Variants in HEPH observed in about 807,000 individuals in gnomAD.
HEPH encodes hephaestin.
A neutral mutation model predicts 80.8 loss-of-function variants in HEPH; 69 were observed. The ratio of observed to expected loss-of-function variants is 0.85; its 90% confidence interval spans 0.70 to 1.04. The LOEUF is 1.04. Among genes scored for constraint, HEPH ranks in the 50% least tolerant of loss-of-function variants. The pLI is 0.00. For missense variants in HEPH, 1,115 were observed against 891.3 expected, an observed-to-expected ratio of 1.25 and a Z score of -3.20; for synonymous variants, 431 against 322.8, an observed-to-expected ratio of 1.34 and a Z score of -3.60.
At chrX:66,166,138 G>A (rs776174154) in intron 1 of HEPH, among the ~76,000 whole-genome samples, 1 of 111,767 alleles carries the variant, frequency 8.9e-6, no homozygotes, top group East Asian at 2.8e-4. Context: ...ACTATTTTCT[G>A]GTGCCTGAAC....
Position 66,253,922 on chromosome X carries a change from C to A in HEPH, c.2564-1113C>A, listed in dbSNP as rs954653477. Among the ~76,000 whole-genome samples the A allele has an allele frequency of 1.8e-5, 2 of 110,950 alleles. 1 individual carries two copies. The highest frequency in any genetic ancestry group is 6.6e-5 in the African/African-American group (2 of 30,529). On this transcript the variant is annotated intron_variant, in intron 15 of 20. Transcript: ENST00000343002. ...GAGACAGAAAGTGGAATATTGATTA[C>A]CTTGGGTGGGGTGGGGCAGGAATGG...
intron 15 of HEPH, among the ~76,000 whole-genome samples, chrX:66,212,532 G>A (rs1466077406): frequency 9.0e-6 from 1 of 111,616 alleles, no homozygotes; most frequent in African/African-American, 3.3e-5. Flanking sequence ...TCTTCTGCAT[G>A]TGGCTGTGCA....
At chrX:66,170,853 T>G in intron 2 of HEPH, 116 bp downstream of exon 2, 2 of 612,122 alleles carry the variant, frequency 3.3e-6, no homozygotes, top group Non-Finnish European at 5.2e-6. Flanking sequence ...TCCTGATTGC[T>G]CCGAGCTGTA....
intron 17 of HEPH, among the ~76,000 whole-genome samples, chrX:66,258,032 T>C (rs1008816715): frequency 8.9e-6 from 1 of 112,087 alleles, no homozygotes; most frequent in African/African-American, 3.2e-5. Context: ...TGTTATTAAT[T>C]CCATGAATGT....
chrX:66,219,646 C>A (rs1029777027), intron 15 of HEPH, among the ~76,000 whole-genome samples: 1 of 111,547 alleles, frequency 9.0e-6, no homozygotes, highest in East Asian at 2.8e-4. Flanking sequence ...TTGTATGATT[C>A]TCTCAGGGGG....
chrX:66,263,625 C>A lies in HEPH; in HGVS notation c.3200-19C>A. The A allele has an allele frequency of 8.3e-7, 1 of 1,208,505 alleles. No homozygotes were observed. ...AAGAACAATAAGGCTAACCTCTTGT[C>A]TTTTTTCCCCCCAACCAGAACACTT... On this transcript the variant is annotated intron_variant, in intron 19 of 20. Transcript: ENST00000343002.
chrX:66,231,606 G>A (rs1293957996), intron 15 of HEPH, among the ~76,000 whole-genome samples: 1 of 109,854 alleles, frequency 9.1e-6, no homozygotes, highest in South Asian at 3.9e-4. Flanking sequence ...AAGAATGTTT[G>A]TGATTTTTGT....
intron 15 of HEPH, among the ~76,000 whole-genome samples, chrX:66,209,081 C>T (rs936985240): frequency 8.9e-6 from 1 of 111,747 alleles, no homozygotes; most frequent in Non-Finnish European, 1.9e-5. Flanking sequence ...TAGAATCTAT[C>T]GATGCAGTAG....
chrX:66,232,572 G>A (rs987092842), intron 15 of HEPH, among the ~76,000 whole-genome samples: 2 of 110,891 alleles, frequency 1.8e-5, no homozygotes, highest in African/African-American at 6.5e-5. Context: ...TATAAGGTTG[G>A]TTAATATGTG....
intron 11 of HEPH, 58 bp downstream of exon 11, chrX:66,199,086 T>C (rs1330998583): frequency 9.1e-7 from 1 of 1,094,439 alleles, no homozygotes; most frequent in African/African-American, 1.8e-5. Context: ...AATCTAACTT[T>C]AACCGTAATC....
intron 12 of HEPH, among the ~76,000 whole-genome samples, chrX:66,202,277 A>T (rs763010417): frequency 4.5e-5 from 5 of 111,701 alleles, no homozygotes; most frequent in Non-Finnish European, 9.4e-5. Flanking sequence ...AGTTCCATGT[A>T]GTTGGAGTGC....
chrX:66,231,536 G>A (rs184719683), intron 15 of HEPH, among the ~76,000 whole-genome samples: 2,219 of 110,111 alleles, frequency 0.02, 39 homozygotes, highest in Non-Finnish European at 0.035. Flanking sequence ...TTTCTTTGAA[G>A]CAATTGTGAA....
chrX:66,163,802 C>T (rs2086257302), upstream of HEPH, among the ~76,000 whole-genome samples: 1 of 112,207 alleles, frequency 8.9e-6, no homozygotes, highest in African/African-American at 3.2e-5. Context: ...TTAGAGTATT[C>T]ATCTCACAGG....
In HEPH at chrX:66,201,051, G is replaced by A. The variant is rs184792152; in HGVS notation, c.2077+299G>A. On this transcript the variant is annotated intron_variant, in intron 12 of 20. Coordinates refer to ENST00000343002, the MANE Select transcript of HEPH (RefSeq NM_001367233.3). ...TGAAGTTCTTATATGGCAGGGAGTG[G>A]ACTTGACAACACAGAGATTTTATAG... Among the ~76,000 whole-genome samples, 624 of 110,950 alleles carry A rather than the reference G, an allele frequency of 5.6e-3. 3 individuals are homozygous for A. The highest frequency in any genetic ancestry group is 0.014 in the Middle Eastern group (3 of 214).
At chrX:66,213,992 A>G (rs1242343341) in intron 15 of HEPH, among the ~76,000 whole-genome samples, 6 of 112,311 alleles carry the variant, frequency 5.3e-5, no homozygotes, top group Admixed American at 4.7e-4. Flanking sequence ...GCAGGATTAC[A>G]GTTTCTTTTA....
downstream of HEPH, chrX:66,268,258 A>G (rs964970114): frequency 8.9e-6 from 1 of 112,169 alleles, no homozygotes; most frequent in Non-Finnish European, 1.9e-5. Context: ...CTGTCCAGCA[A>G]TCTGTCTGTC....
At chrX:66,215,486 A>G (rs190372048) in intron 15 of HEPH, among the ~76,000 whole-genome samples, 1 of 111,836 alleles carries the variant, frequency 8.9e-6, no homozygotes, top group East Asian at 2.8e-4. Flanking sequence ...TCTCTTTGCT[A>G]TGATTCCTTT....
At chrX:66,206,157 G>T (rs948885910) in intron 13 of HEPH, among the ~76,000 whole-genome samples, 3 of 109,804 alleles carry the variant, frequency 2.7e-5, no homozygotes, top group Non-Finnish European at 5.7e-5. Context: ...CCCTCTGGTT[G>T]CAGCAGTAGT....
intron 19 of HEPH, 76 bp downstream of exon 19, chrX:66,260,338 G>GA: frequency 1.2e-6 from 1 of 863,531 alleles, no homozygotes; most frequent in Non-Finnish European, 1.7e-6. Flanking sequence ...ATACCAAAAA[G>GA]CCTCTTGATT....
Sources: gnomAD v4.1 joint callset for allele counts (sites outside exome capture counted in the v4.1 genomes callset) on GRCh38, gnomAD v4.1.1 for gene constraint, MANE v1.5 for transcripts, NCBI Gene and HGNC (gene_info 2026-07-23, HGNC 2026-07-21) for gene names.